Variants in GPR149 observed in about 807,000 individuals in gnomAD.
GPR149 encodes the protein probable G protein-coupled receptor 149.
A neutral mutation model predicts 50.2 loss-of-function variants in GPR149; 50 were observed. The ratio of observed to expected loss-of-function variants is 1.00; its 90% CI spans 0.79 to 1.26. GPR149 has a LOEUF of 1.26. GPR149 is among the 50% of genes most tolerant of loss of function. The probability of loss-of-function intolerance (pLI) is 0.00; values close to 1 mark genes in which losing one functional copy is unlikely to be tolerated. For missense variants in GPR149, 983 were observed against 895.4 expected, an observed-to-expected ratio of 1.10 and a Z score of -1.25; for synonymous variants, 405 against 358.2, an observed-to-expected ratio of 1.13 and a Z score of -1.48.
At chr3:154,363,828 A>G (rs1714470207) in intron 3 of GPR149, among the ~76,000 whole-genome samples, 1 of 149,834 alleles carries the variant, frequency 6.7e-6, no homozygotes, top group East Asian at 1.9e-4. Flanking sequence ...AGCCCATAAA[A>G]ACCCCAGATG....
chr3:154,428,176 C>T (rs995683193), intron 1 of GPR149, among the ~76,000 whole-genome samples: 3 of 152,208 alleles, frequency 2.0e-5, no homozygotes, highest in African/African-American at 7.2e-5. Flanking sequence ...CTTCTCCCTC[C>T]ACAACTGATC....
chr3:154,428,499 A>G, intron 1 of GPR149, 136 bp downstream of exon 1: 2 of 1,011,242 alleles, frequency 2.0e-6, no homozygotes, highest in Non-Finnish European at 3.0e-6. Context: ...CATGTCTAAA[A>G]CCCAGCGAGA....
chr3:154,362,527 T>C (rs1304476411), intron 3 of GPR149, among the ~76,000 whole-genome samples: 1 of 152,114 alleles, frequency 6.6e-6, no homozygotes, highest in Non-Finnish European at 1.5e-5. Context: ...GAAACATTTA[T>C]CATGAAGCTA....
rs140660975 is a variant in GPR149 at position 154,405,538 on chromosome 3, A to G, written c.1623+15501T>C. Among the ~76,000 whole-genome samples the G allele has an allele frequency of 5.4e-3, 799 of 146,654 alleles. 6 individuals are homozygous for G. The highest frequency in any genetic ancestry group is 0.019 in the African/African-American group (745 of 39,446). On this transcript the variant is annotated intron_variant, in intron 3 of 3. Coordinates refer to ENST00000389740, the MANE Select transcript of GPR149 (RefSeq NM_001038705.3). ...GGGAAGCAGAGGCTGCAGTGAGCTG[A>G]GACTGCACCATTGCACTCCAGCTTG...
At chr3:154,394,091 A>G (rs1715233901) in intron 3 of GPR149, among the ~76,000 whole-genome samples, 1 of 152,056 alleles carries the variant, frequency 6.6e-6, no homozygotes, top group African/African-American at 2.4e-5. Flanking sequence ...ATCACAAAAA[A>G]CACCAAATAG....
chr3:154,408,887 T>C (rs1711763096), intron 3 of GPR149, among the ~76,000 whole-genome samples: 1 of 152,248 alleles, frequency 6.6e-6, no homozygotes, highest in Non-Finnish European at 1.5e-5. Context: ...TGATGCACTC[T>C]TGAAAGTGTC....
In GPR149 at chr3:154,421,387, T is replaced by C. The variant is rs756724162; in HGVS notation, c.1275A>G (p.Ile425Met). The C allele has an allele frequency of 6.2e-7, 1 of 1,612,320 alleles. No homozygotes were observed. Among genetic ancestry groups the C allele is most frequent in the South Asian group, 1.1e-5 (1 of 90,964 alleles). ...EDYYDDDENS[I>M]FYHNLMNSEC... ...CAGAGTTCATCAGGTTGTGATAGAA[T>C]ATGGAATTTTCATCATCATCATAGT... is the stretch of plus-strand genomic sequence containing the variant. The change falls in exon 3 of 4, where the codon ATA (isoleucine) becomes ATG (methionine). Residue 425 changes from isoleucine (I) to methionine (M), a missense_variant. Physicochemically the swap from Ile to Met is conservative, Grantham distance 10. Coordinates refer to ENST00000389740, the MANE Select transcript of GPR149 (RefSeq NM_001038705.3).
chr3:154,398,151 G>A (rs1289569810), intron 3 of GPR149, among the ~76,000 whole-genome samples: 1 of 152,056 alleles, frequency 6.6e-6, no homozygotes, highest in African/African-American at 2.4e-5. Flanking sequence ...ACACACCATT[G>A]GGATATTAAT....
chr3:154,377,664 C>G (rs1184262217), intron 3 of GPR149, among the ~76,000 whole-genome samples: 1 of 152,034 alleles, frequency 6.6e-6, no homozygotes, highest in Non-Finnish European at 1.5e-5. Flanking sequence ...CTGTGCCCGG[C>G]CCACTCTGCA....
At chr3:154,421,979 A>G (rs1712159469) in intron 2 of GPR149, among the ~76,000 whole-genome samples, 1 of 151,758 alleles carries the variant, frequency 6.6e-6, no homozygotes. Flanking sequence ...ATTTTGGTAT[A>G]TAATTTTTTG....
At chr3:154,396,613 T>G (rs1244924746) in intron 3 of GPR149, among the ~76,000 whole-genome samples, 1 of 152,006 alleles carries the variant, frequency 6.6e-6, no homozygotes, top group Non-Finnish European at 1.5e-5. Flanking sequence ...TATCTAAATG[T>G]AAACAAAATA....
In GPR149 at chr3:154,363,093, A is replaced by C. The variant is rs115492662; in HGVS notation, c.1624-24822T>G. ...AAATTAATAGGTTAGAAACTGAAGCAAATAGTTCAAGGGGAGGTTGAGGGG... is the reference window on the plus strand; with the variant it reads ...AAATTAATAGGTTAGAAACTGAAGCCAATAGTTCAAGGGGAGGTTGAGGGG... On this transcript the variant is annotated intron_variant, in intron 3 of 3. Transcript: ENST00000389740. Among the ~76,000 whole-genome samples the C allele has an allele frequency of 1.0e-3, 157 of 152,314 alleles. 3 individuals are homozygous for C. The highest frequency in any genetic ancestry group is 1.6e-3 in the Admixed American group (24 of 15,304).
intron 1 of GPR149, among the ~76,000 whole-genome samples, 198 bp downstream of exon 1, chr3:154,428,437 G>C (rs917381967): frequency 2.0e-5 from 3 of 152,202 alleles, no homozygotes; most frequent in African/African-American, 7.2e-5. Context: ...GCATTTAGTA[G>C]TAAAGGTTTC....
At position 154,429,820 on chromosome 3, in the gene GPR149, A is replaced by AT; in HGVS notation, c.-206dup. On this transcript the variant is annotated 5_prime_UTR_variant, in exon 1 of 4. The change creates a new upstream start codon in the 5' untranslated region. Coordinates refer to ENST00000389740, the MANE Select transcript of GPR149 (RefSeq NM_001038705.3). ...TTAAAAATTAGGTTCCATTTCAAGC[A>AT]TAAAAAAAAAAAAACCCGAACAGAT... 2.7e-6 allele frequency: 1 copy of AT among 376,650 alleles called. No homozygotes were observed. The highest frequency in any genetic ancestry group is 4.5e-6 in the Non-Finnish European group (1 of 222,734). 23.3% of individuals were successfully genotyped at this position (376,650 alleles called of 1,614,324 possible). A position where few individuals can be genotyped will look rare whatever the true frequency, so the allele number is the denominator to read the frequency against.
At chr3:154,417,942 G>C (rs958649056) in intron 3 of GPR149, among the ~76,000 whole-genome samples, 2 of 152,024 alleles carry the variant, frequency 1.3e-5, no homozygotes, top group Non-Finnish European at 2.9e-5. Flanking sequence ...AGAATGTTTT[G>C]TAGAATTTTG....
At chr3:154,387,265 C>T (rs1186713201) in intron 3 of GPR149, among the ~76,000 whole-genome samples, 1 of 152,118 alleles carries the variant, frequency 6.6e-6, no homozygotes, top group Admixed American at 6.5e-5. Flanking sequence ...GCAAAATTAC[C>T]CGTGCCTGTA....
chr3:154,347,939 T>C (rs956488871), intron 3 of GPR149, among the ~76,000 whole-genome samples: 1 of 152,134 alleles, frequency 6.6e-6, no homozygotes, highest in African/African-American at 2.4e-5. Context: ...CTGTGGAGGG[T>C]AGTGGTGAAG....
At chr3:154,421,924 G>A (rs1422097450) in intron 2 of GPR149, among the ~76,000 whole-genome samples, 1 of 151,500 alleles carries the variant, frequency 6.6e-6, no homozygotes, top group African/African-American at 2.4e-5. Flanking sequence ...TATTATGTGA[G>A]TTATTCAGCT....
chr3:154,376,322 T>C (rs1576912758), intron 3 of GPR149, among the ~76,000 whole-genome samples: 2 of 152,234 alleles, frequency 1.3e-5, no homozygotes, highest in African/African-American at 4.8e-5. Flanking sequence ...TCAAGTTAGT[T>C]AAAGAGATTT....
Sources: allele counts gnomAD v4.1 joint callset (sites outside exome capture counted in the v4.1 genomes callset), GRCh38; gene constraint gnomAD v4.1.1; transcripts MANE v1.5; gene names NCBI Gene and HGNC (gene_info 2026-07-23, HGNC 2026-07-21).